Variants in SUSD3 observed in about 807,000 individuals in gnomAD.
SUSD3 encodes the protein sushi domain-containing protein 3.
Under a neutral mutation model 20.6 loss-of-function variants are expected in SUSD3, and 18 were observed. That is an observed-to-expected ratio of 0.87 (90% CI 0.60 to 1.30). SUSD3 has a LOEUF of 1.30. Among genes scored for constraint, SUSD3 ranks in the 50% most tolerant of loss-of-function variants. SUSD3 has a pLI of 0.00. For synonymous variants in SUSD3, 137 were observed against 141.5 expected (o/e 0.97, Z 0.23); for missense variants, 306 against 346.9 (o/e 0.88, Z 0.94).
chr9:93,070,759 G>A (rs777084809), intron 1 of SUSD3, among the ~76,000 whole-genome samples: 21 of 152,236 alleles, frequency 1.4e-4, no homozygotes, highest in Non-Finnish European at 2.6e-4. Flanking sequence ...GCCCCCAAAT[G>A]TGTGTGGTGG....
At chr9:93,075,582 A>C (rs571627009) in intron 1 of SUSD3, among the ~76,000 whole-genome samples, 200 of 151,646 alleles carry the variant, frequency 1.3e-3, no homozygotes, top group Non-Finnish European at 2.3e-3. Context: ...AGTGTACTTC[A>C]TGGAGGGATC....
At chr9:93,062,684 GA>G (rs1400858850) in intron 1 of SUSD3, among the ~76,000 whole-genome samples, 1 of 152,154 alleles carries the variant, frequency 6.6e-6, no homozygotes, top group African/African-American at 2.4e-5. Context: ...CAGGCATGGG[GA>G]GGGGCTCAGG....
At chr9:93,068,300 G>GTT (rs765539865) in intron 1 of SUSD3, among the ~76,000 whole-genome samples, 39 of 152,106 alleles carry the variant, frequency 2.6e-4, no homozygotes, top group Non-Finnish European at 4.7e-4. Flanking sequence ...TTTTCCCTAT[G>GTT]TTTTCTTCTA....
intron 1 of SUSD3, among the ~76,000 whole-genome samples, chr9:93,067,076 C>T (rs1825746607): frequency 6.6e-6 from 1 of 152,222 alleles, no homozygotes; most frequent in African/African-American, 2.4e-5. Context: ...GCAGCCATCT[C>T]CCAGTTTTCC....
intron 1 of SUSD3, among the ~76,000 whole-genome samples, chr9:93,071,646 A>C (rs559418406): frequency 1.2e-3 from 186 of 152,298 alleles, no homozygotes; most frequent in Non-Finnish European, 2.1e-3. Flanking sequence ...TGCGTCCTTC[A>C]ATTCAATCAA....
intron 4 of SUSD3, among the ~76,000 whole-genome samples, chr9:93,082,345 T>G (rs1219499833): frequency 3.7e-5 from 5 of 134,584 alleles, no homozygotes; most frequent in African/African-American, 1.4e-4. Flanking sequence ...TGAGGCGGAG[T>G]CTTGCTCTGT....
At chr9:93,075,750 C>G in intron 1 of SUSD3, 34 bp from the exon 2 acceptor site, 1 of 230,192 alleles carries the variant, frequency 4.3e-6, no homozygotes, top group Middle Eastern at 1.6e-3. Context: ...ACCCCCCCCC[C>G]CCCGCCATGC....
At chr9:93,060,700 G>T (rs747771564) in intron 1 of SUSD3, among the ~76,000 whole-genome samples, 19 of 152,238 alleles carry the variant, frequency 1.2e-4, no homozygotes, top group Admixed American at 6.5e-4. Flanking sequence ...GCTGAGCATG[G>T]TGGCATGCGC....
intron 3 of SUSD3, among the ~76,000 whole-genome samples, chr9:93,078,291 C>T (rs1826258462): frequency 1.3e-5 from 2 of 152,182 alleles, no homozygotes; most frequent in Admixed American, 1.3e-4. Context: ...GAGTCTTGCT[C>T]TGTCACCCAG....
At chr9:93,084,410 C>T in intron 4 of SUSD3, 127 bp from the exon 5 acceptor site, 1 of 800,496 alleles carries the variant, frequency 1.2e-6, no homozygotes, top group Non-Finnish European at 1.9e-6. Context: ...AGGAAACGGG[C>T]TCCCCAGTGC....
intron 2 of SUSD3, 114 bp downstream of exon 2, chr9:93,076,086 C>A: frequency 2.2e-6 from 2 of 923,108 alleles, no homozygotes; most frequent in Non-Finnish European, 3.2e-6. Context: ...AGCAGCTAGG[C>A]CAGTGTGTAG....
At position 93,084,648 on chromosome 9, in the gene SUSD3, C is replaced by A; in HGVS notation, c.669C>A (p.Ala223=). Residue 223 remains alanine, a synonymous_variant, in exon 5 of 5, where the codon GCC becomes GCA. Transcript: ENST00000375472. The part of the protein sequence containing the change: ...SLSGSSSSPQ[A]QVMVHMANPR... The stretch of plus-strand genomic sequence containing the variant: ...GTGGCTCCTCCAGCTCACCCCAAGC[C>A]CAGGTGATGGTGCACATGGCAAACC... 3 of 1,609,188 alleles carry A rather than the reference C, an allele frequency of 1.9e-6. 1 individual carries two copies. The South Asian group carries it at 3.3e-5, about 18-fold the overall frequency.
At chr9:93,061,028 C>T (rs923088656) in intron 1 of SUSD3, among the ~76,000 whole-genome samples, 17 of 152,278 alleles carry the variant, frequency 1.1e-4, no homozygotes, top group African/African-American at 1.4e-4. Flanking sequence ...AAGGGCAGGG[C>T]GCGGGGGAGA....
At chr9:93,076,099 T>G (rs1826150425) in intron 2 of SUSD3, 127 bp downstream of exon 2, 10 of 772,662 alleles carry the variant, frequency 1.3e-5, no homozygotes, top group Non-Finnish European at 1.8e-5. Context: ...GTGTGTAGGG[T>G]CCCATTCCCA....
chr9:93,079,244 T>C (rs1244790072), intron 3 of SUSD3, among the ~76,000 whole-genome samples: 1 of 152,228 alleles, frequency 6.6e-6, no homozygotes, highest in Non-Finnish European at 1.5e-5. Flanking sequence ...GCCATGTTCA[T>C]TGTCTACTGG....
chr9:93,075,522 G>A (rs945909655), intron 1 of SUSD3, among the ~76,000 whole-genome samples: 1 of 139,698 alleles, frequency 7.2e-6, no homozygotes, highest in African/African-American at 2.7e-5. Context: ...TGCTTTTATT[G>A]TCTTCTAACA....
chr9:93,078,571 C>G (rs563489920), intron 3 of SUSD3, among the ~76,000 whole-genome samples: 4 of 151,964 alleles, frequency 2.6e-5, no homozygotes, highest in African/African-American at 4.8e-5. Flanking sequence ...CCGTTTTATT[C>G]TTAAACCTGC....
chr9:93,075,749 C>CG (rs752117817), intron 1 of SUSD3, 35 bp from the exon 2 acceptor site: 1 of 215,698 alleles, frequency 4.6e-6, no homozygotes, highest in East Asian at 1.4e-4. Context: ...CACCCCCCCC[C>CG]CCCCGCCATG....
chr9:93,079,126 C>T (rs1212095043), intron 3 of SUSD3, among the ~76,000 whole-genome samples: 1 of 152,310 alleles, frequency 6.6e-6, no homozygotes, highest in East Asian at 1.9e-4. Flanking sequence ...TTAACGTCTA[C>T]AGTTCAGTAG....
Sources: allele counts gnomAD v4.1 joint callset (sites outside exome capture counted in the v4.1 genomes callset), GRCh38; gene constraint gnomAD v4.1.1; transcripts MANE v1.5; gene names NCBI Gene and HGNC (gene_info 2026-07-23, HGNC 2026-07-21).